TXNDC16: variants seen among roughly 807,000 people sequenced by gnomAD.
The protein encoded by TXNDC16 is thioredoxin domain-containing protein 16.
A neutral mutation model predicts 85.6 loss-of-function variants in TXNDC16; 74 were observed. That is an observed-to-expected ratio of 0.86 (90% confidence interval 0.72 to 1.05). The LOEUF (loss-of-function observed/expected upper bound fraction) is 1.05. Among genes scored for constraint, TXNDC16 ranks in the 50% least tolerant of loss-of-function variants. The pLI is 0.00. For synonymous variants in TXNDC16, 335 were observed against 326.5 expected, an observed-to-expected ratio of 1.03 and a Z score of -0.28; for missense variants, 959 against 947.0, an observed-to-expected ratio of 1.01 and a Z score of -0.17.
chr14:52,493,322 G>T (rs1425443690), intron 9 of TXNDC16, among the ~76,000 whole-genome samples: 2 of 151,176 alleles, frequency 1.3e-5, no homozygotes, highest in Non-Finnish European at 2.9e-5. Flanking sequence ...GATATCCAAG[G>T]ATTAACAAAC....
intron 16 of TXNDC16, among the ~76,000 whole-genome samples, chr14:52,462,548 T>C (rs540270694): frequency 6.6e-6 from 1 of 152,358 alleles, no homozygotes; most frequent in Admixed American, 6.5e-5. Flanking sequence ...TAAAAACTCC[T>C]GACCTCAAGT....
chr14:52,442,131 C>T (rs767798819), intron 18 of TXNDC16, among the ~76,000 whole-genome samples: 1 of 152,190 alleles, frequency 6.6e-6, no homozygotes, highest in Non-Finnish European at 1.5e-5. Flanking sequence ...TTTGTCTACG[C>T]TGTCAGTAAC....
At chr14:52,459,648 G>T (rs1194788150) in intron 16 of TXNDC16, among the ~76,000 whole-genome samples, 1 of 152,124 alleles carries the variant, frequency 6.6e-6, no homozygotes, top group Admixed American at 6.5e-5. Flanking sequence ...CAGTATTCCT[G>T]ATCAACATTG....
rs200076357 is a variant in TXNDC16 at position 52,482,212 on chromosome 14, C to T, written c.1312+18G>A. ...GCTTAGAATCAGAATAATAAGCATG[C>T]ATAGCACAGTACACTACCTTTCAGT... On this transcript the variant is annotated intron_variant, in intron 14 of 20. Transcript: ENST00000281741. The T allele has an allele frequency of 1.9e-6, 3 of 1,600,966 alleles. No individual in the cohort carries two copies. In the South Asian group the frequency reaches 3.4e-5, roughly 18 times the overall value.
At chr14:52,531,138 C>A (rs1440669648) in intron 6 of TXNDC16, among the ~76,000 whole-genome samples, 1 of 152,080 alleles carries the variant, frequency 6.6e-6, no homozygotes, top group Admixed American at 6.6e-5. Context: ...CCACTATATA[C>A]CTATTATGCT....
intron 16 of TXNDC16, among the ~76,000 whole-genome samples, chr14:52,466,995 AAAC>A (rs2035792195): frequency 6.6e-6 from 1 of 152,142 alleles, no homozygotes; most frequent in South Asian, 2.1e-4. Context: ...ATAGAAAAAA[AAAC>A]AAGAAAATAT....
Position 52,525,734 on chromosome 14 carries a change from AT to A in TXNDC16, c.393-6442del, listed in dbSNP as rs1329837253. ...AATAATAATAATAATAATAATAATA[AT>A]AATAATAATAAATAAAAATTTGTTG... is the stretch of plus-strand genomic sequence containing the variant. On this transcript the variant is annotated intron_variant, in intron 6 of 20. Transcript: ENST00000281741. Among the ~76,000 whole-genome samples the A allele has an allele frequency of 1.7e-3, 242 of 144,650 alleles. 2 individuals are homozygous for A. The highest frequency in any genetic ancestry group is 5.7e-3 in the South Asian group (26 of 4,522). 94.9% of individuals were successfully genotyped at this position (144,650 alleles called of 152,430 possible).
intron 9 of TXNDC16, among the ~76,000 whole-genome samples, chr14:52,499,292 A>G (rs1243659617): frequency 6.6e-6 from 1 of 152,196 alleles, no homozygotes; most frequent in Non-Finnish European, 1.5e-5. Flanking sequence ...CAACAAAAGC[A>G]CAAACAACAA....
intron 4 of TXNDC16, among the ~76,000 whole-genome samples, chr14:52,540,935 T>C (rs923731430): frequency 1.3e-5 from 2 of 152,178 alleles, no homozygotes; most frequent in Admixed American, 1.3e-4. Flanking sequence ...GCATTCTCAC[T>C]GTAAAATCAG....
intron 14 of TXNDC16, among the ~76,000 whole-genome samples, chr14:52,473,952 A>G (rs899907867): frequency 6.6e-6 from 1 of 152,250 alleles, no homozygotes; most frequent in African/African-American, 2.4e-5. Context: ...GACACAAAAC[A>G]TTGTAATTAC....
At position 52,455,454 on chromosome 14, in the gene TXNDC16, T is replaced by G; in HGVS notation, c.1712A>C (p.Lys571Thr). The part of the protein sequence containing the change: ...SEEDVLLLST[K>T]YAASLPALLL... ...CAGGGCTGGAAGACTTGCAGCATAT[T>G]TGGTTGACCTATGGAGAAAGGCAGT... Residue 571 changes from lysine to threonine, a missense_variant, in exon 18 of 21, where the codon AAA (lysine) becomes ACA (threonine). Lys to Thr is a moderately conservative substitution (Grantham distance 78). Coordinates refer to ENST00000281741, the MANE Select transcript of TXNDC16 (RefSeq NM_020784.3). 6.2e-7 allele frequency: 1 copy of G among 1,613,864 alleles called. No homozygotes were observed. Among genetic ancestry groups the G allele is most frequent in the African/African-American group, 1.3e-5 (1 of 75,034 alleles).
intron 9 of TXNDC16, among the ~76,000 whole-genome samples, chr14:52,506,981 G>A (rs1375130699): frequency 6.6e-6 from 1 of 151,938 alleles, no homozygotes; most frequent in East Asian, 1.9e-4. Context: ...AAAACTGGAA[G>A]CATTCCCTTT....
chr14:52,526,978 G>C (rs1051691876), intron 6 of TXNDC16, among the ~76,000 whole-genome samples: 1 of 152,232 alleles, frequency 6.6e-6, no homozygotes, highest in Non-Finnish European at 1.5e-5. Flanking sequence ...GCATGCCAGC[G>C]GAGGGCAGCA....
chr14:52,524,351 G>A (rs761824541), intron 6 of TXNDC16, among the ~76,000 whole-genome samples: 1 of 152,130 alleles, frequency 6.6e-6, no homozygotes. Context: ...AAAGGGAAAG[G>A]AATTTCTATT....
At chr14:52,498,335 T>C (rs1360108019) in intron 9 of TXNDC16, among the ~76,000 whole-genome samples, 3 of 151,540 alleles carry the variant, frequency 2.0e-5, no homozygotes, top group African/African-American at 7.3e-5. Context: ...TGCATCAAAA[T>C]TGGAAAAGAA....
At chr14:52,455,230 C>G (rs946400440) in intron 18 of TXNDC16, 94 bp downstream of exon 18, 4 of 1,463,822 alleles carry the variant, frequency 2.7e-6, no homozygotes, top group Non-Finnish European at 2.8e-6. Flanking sequence ...TGCCCTGTAC[C>G]AGCAAAAAAT....
chr14:52,533,412 C>T (rs1487728690), intron 6 of TXNDC16, among the ~76,000 whole-genome samples: 4 of 152,136 alleles, frequency 2.6e-5, no homozygotes, highest in African/African-American at 9.7e-5. Flanking sequence ...ACTCTACCTC[C>T]CTAGATTATA....
chr14:52,495,284 G>A (rs1222429094), intron 9 of TXNDC16, among the ~76,000 whole-genome samples: 1 of 152,198 alleles, frequency 6.6e-6, no homozygotes, highest in Non-Finnish European at 1.5e-5. Flanking sequence ...CTCAGCCAGG[G>A]CTGTGGTCTA....
intron 14 of TXNDC16, 88 bp from the exon 15 acceptor site, chr14:52,470,768 T>C: frequency 8.1e-7 from 1 of 1,235,184 alleles, no homozygotes; most frequent in Non-Finnish European, 1.1e-6. Context: ...ATCCCATTCT[T>C]ATTTTAACCT....
Sources: gnomAD v4.1 joint callset for allele counts (sites outside exome capture counted in the v4.1 genomes callset) on GRCh38, gnomAD v4.1.1 for gene constraint, MANE v1.5 for transcripts, NCBI Gene and HGNC (gene_info 2026-07-23, HGNC 2026-07-21) for gene names.